KIF1B: variants seen among roughly 807,000 people sequenced by gnomAD.
KIF1B encodes kinesin family member 1B.
Under a neutral mutation model 241.9 loss-of-function variants are expected in KIF1B, and 76 were observed. The observed-to-expected ratio is 0.31, with a 90% CI of 0.26 to 0.38. The LOEUF (loss-of-function observed/expected upper bound fraction) is 0.38. Among genes scored for constraint, KIF1B ranks in the 10% least tolerant of loss-of-function variants. The pLI is 1.00. For missense variants in KIF1B, 1,622 were observed against 2,271.4 expected (o/e 0.71, Z 5.81); for synonymous variants, 750 against 796.7 (o/e 0.94, Z 0.99).
intron 5 of KIF1B, among the ~76,000 whole-genome samples, chr1:10,266,126 C>G (rs12064209): frequency 0.059 from 9,048 of 152,198 alleles, 486 homozygotes; most frequent in African/African-American, 0.15. Flanking sequence ...TTTGTAGATT[C>G]ATCAAGAAAA....
At chr1:10,249,738 CA>C (rs933655597) in intron 2 of KIF1B, among the ~76,000 whole-genome samples, 1 of 151,984 alleles carries the variant, frequency 6.6e-6, no homozygotes, top group African/African-American at 2.4e-5. Flanking sequence ...CCTGTCTCTA[CA>C]AAAAAATAAA....
At chr1:10,366,310 T>C (rs772356403) in intron 43 of KIF1B, among the ~76,000 whole-genome samples, 58 of 152,172 alleles carry the variant, frequency 3.8e-4, no homozygotes, top group South Asian at 8.3e-4. Context: ...AAGCATATAA[T>C]AGAGATGTGT....
At chr1:10,313,563 T>G (rs1651160187) in intron 22 of KIF1B, among the ~76,000 whole-genome samples, 1 of 147,528 alleles carries the variant, frequency 6.8e-6, no homozygotes, top group Non-Finnish European at 1.5e-5. Flanking sequence ...TTTTTTTTTT[T>G]TTTTTGAGAT....
At chr1:10,225,777 G>C (rs1050694029) in intron 1 of KIF1B, among the ~76,000 whole-genome samples, 3 of 152,142 alleles carry the variant, frequency 2.0e-5, no homozygotes, top group Non-Finnish European at 4.4e-5. Flanking sequence ...TGTTCATGTG[G>C]GCTTGTAAAA....
At position 10,360,938 on chromosome 1, in the gene KIF1B, C is replaced by T; in HGVS notation, c.4065C>T (p.Tyr1355=). The change falls in exon 39 of 49, where the codon TAC becomes TAT. Residue 1355 remains tyrosine, a synonymous_variant. Transcript: ENST00000676179. The part of the protein sequence containing the change: ...KSSHNSSRTF[Y]RFEAVWDSSL... ...GTCTTTCTGACCTTAGGACCTTCTA[C>T]CGCTTTGAGGCTGTGTGGGATAGCT... 6.2e-7 allele frequency: 1 copy of T among 1,612,838 alleles called. No homozygotes were observed. The highest frequency in any genetic ancestry group is 8.5e-7 in the Non-Finnish European group (1 of 1,178,826).
At chr1:10,309,076 C>T (rs1288719643) in intron 22 of KIF1B, among the ~76,000 whole-genome samples, 2 of 152,124 alleles carry the variant, frequency 1.3e-5, no homozygotes, top group Non-Finnish European at 2.9e-5. Context: ...ATTGATGGTA[C>T]ACTAGAGAGG....
In KIF1B at chr1:10,210,875, T is replaced by A. The variant is rs1646683511; in HGVS notation, c.-83T>A. The A allele has an allele frequency of 1.3e-5, 2 of 150,646 alleles. No individual in the cohort carries two copies. The highest frequency in any genetic ancestry group is 4.8e-5 in the African/African-American group (2 of 41,242). The allele number at this position is 150,646 out of a possible 1,614,324, so 9.3% of individuals were successfully genotyped here. On this transcript the variant is annotated 5_prime_UTR_variant, in exon 1 of 49. Coordinates refer to ENST00000676179, the MANE Select transcript of KIF1B (RefSeq NM_001365951.3). This position sits in a 1 kb window ranked among gnomAD's most constrained non-coding sequence, Gnocchi z 4.1. ...TCCGCCCGTCGGTCTGCAGCGCGGC[T>A]GAGGTAAGGCGGCGGGGCTGGCCGC...
chr1:10,381,054 G>C lies in KIF1B; in HGVS notation c.*4467G>C, dbSNP rs1484302651. 4.5e-6 allele frequency: 1 copy of C among 223,640 alleles called. No homozygotes were observed. Among genetic ancestry groups the C allele is most frequent in the Non-Finnish European group, 8.9e-6 (1 of 112,184 alleles). The allele number at this position is 223,640 out of a possible 1,614,324, so 13.9% of individuals were successfully genotyped here. A position where few individuals can be genotyped will look rare whatever the true frequency, so the allele number is the denominator to read the frequency against. On this transcript the variant is annotated 3_prime_UTR_variant, in exon 49 of 49. Coordinates refer to ENST00000676179, the MANE Select transcript of KIF1B (RefSeq NM_001365951.3). ...ATAGCCAAACGGCTGTGCTCAGATGGAAAGTCTGAGCTGAGGTTGGTCTCT... is the reference window on the plus strand; with the variant it reads ...ATAGCCAAACGGCTGTGCTCAGATGCAAAGTCTGAGCTGAGGTTGGTCTCT...
chr1:10,262,589 T>A (rs1282445042), intron 5 of KIF1B, among the ~76,000 whole-genome samples: 1 of 152,242 alleles, frequency 6.6e-6, no homozygotes, highest in Admixed American at 6.5e-5. Flanking sequence ...TCAGTCACAC[T>A]AGGAGGGTGT....
intron 2 of KIF1B, among the ~76,000 whole-genome samples, chr1:10,241,018 T>A (rs1647129648): frequency 6.6e-6 from 1 of 152,182 alleles, no homozygotes; most frequent in Non-Finnish European, 1.5e-5. Context: ...GCTGATGCCT[T>A]CCCAGTCTGC....
At chr1:10,351,675 A>C (rs1652798074) in intron 37 of KIF1B, among the ~76,000 whole-genome samples, 1 of 152,140 alleles carries the variant, frequency 6.6e-6, no homozygotes. Context: ...GGTGTAATAA[A>C]GTCAGCATGG....
Position 10,258,563 on chromosome 1 carries a change from C to T in KIF1B, c.254C>T (p.Ala85Val), listed in dbSNP as rs1647932773. Residue 85 changes from alanine to valine, a missense_variant, in exon 4 of 49, where the codon GCC (alanine) becomes GTC (valine). Around this residue, in one of 7 missense-constraint regions of KIF1B, gnomAD observed 156 missense variants for 244.8 expected, o/e 0.64. Coordinates refer to ENST00000676179, the MANE Select transcript of KIF1B (RefSeq NM_001365951.3). ...NDIGKEMLLH[A>V]FEGYNVCIFA... ...ATTGGCAAGGAAATGCTCTTACACG[C>T]CTTTGAGGGATATAATGTCTGTATT... 2 of 1,613,978 alleles carry T rather than the reference C, an allele frequency of 1.2e-6. No homozygotes were observed. The highest frequency in any genetic ancestry group is 8.5e-7 in the Non-Finnish European group (1 of 1,179,960).
chr1:10,287,533 TAA>T (rs1649775010), intron 15 of KIF1B, among the ~76,000 whole-genome samples: 1 of 152,190 alleles, frequency 6.6e-6, no homozygotes, highest in Non-Finnish European at 1.5e-5. Flanking sequence ...TTATTTTCTC[TAA>T]GTTTCCCCCA....
At chr1:10,275,541 A>G (rs759753704) in intron 11 of KIF1B, 38 bp downstream of exon 11, 1 of 1,109,332 alleles carries the variant, frequency 9.0e-7, no homozygotes, top group Non-Finnish European at 1.4e-6. Flanking sequence ...TATCTTTTTA[A>G]CTTTGATTAT....
At chr1:10,313,757 A>C (rs536649464) in intron 22 of KIF1B, among the ~76,000 whole-genome samples, 20 of 150,796 alleles carry the variant, frequency 1.3e-4, no homozygotes, top group South Asian at 8.3e-4. Context: ...TCACCGTGTT[A>C]GCCAGGATGG....
chr1:10,371,368 G>T (rs1319033411), intron 45 of KIF1B, 106 bp downstream of exon 45: 2 of 1,352,438 alleles, frequency 1.5e-6, no homozygotes, highest in Non-Finnish European at 2.1e-6. Flanking sequence ...CTTCTCCCTA[G>T]GCAGCATTTG....
Position 10,296,948 on chromosome 1 carries a change from A to C in KIF1B, c.1913A>C (p.Glu638Ala), listed in dbSNP as rs1650296522. The change falls in exon 21 of 49, where the codon GAA becomes GCA. Residue 638 changes from glutamate to alanine, a missense_variant. Glu to Ala is a moderately radical substitution (Grantham distance 107, BLOSUM62 -1). Around this residue, in one of 7 missense-constraint regions of KIF1B, gnomAD observed 803 missense variants for 1,112.0 expected, o/e 0.72. Coordinates refer to ENST00000676179, the MANE Select transcript of KIF1B (RefSeq NM_001365951.3). ...CATGTTTTCCGCTTTAACCACCCGG[A>C]ACAAGCACGAGCTGAGCGAGAGAAG... is the stretch of plus-strand genomic sequence containing the variant. Reference protein sequence around the residue: ...KNHVFRFNHPEQARAEREKTP... With the variant: ...KNHVFRFNHPAQARAEREKTP... The C allele has an allele frequency of 1.9e-6, 3 of 1,613,968 alleles. No individual in the cohort carries two copies. Among genetic ancestry groups the C allele is most frequent in the African/African-American group, 2.7e-5 (2 of 74,890 alleles).
intron 2 of KIF1B, among the ~76,000 whole-genome samples, chr1:10,252,329 C>T (rs952652849): frequency 2.6e-5 from 4 of 151,782 alleles, no homozygotes; most frequent in Middle Eastern, 3.4e-3. Context: ...CGTGAGTGAC[C>T]GTGCCCAGCC....
At chr1:10,264,067 A>G (rs1292822594) in intron 5 of KIF1B, among the ~76,000 whole-genome samples, 1 of 152,154 alleles carries the variant, frequency 6.6e-6, no homozygotes, top group African/African-American at 2.4e-5. Context: ...AGTGAGGCTT[A>G]CCTTGACCAC....
Sources: gnomAD v4.1 joint callset for allele counts (sites outside exome capture counted in the v4.1 genomes callset) on GRCh38, gnomAD v4.1.1 for gene constraint, gnomAD v4.1.1 regional missense constraint, Gnocchi (gnomAD v3.1) non-coding constraint, MANE v1.5 for transcripts, NCBI Gene and HGNC (gene_info 2026-07-23, HGNC 2026-07-21) for gene names.